SPATA31G1: variants seen among roughly 807,000 people sequenced by gnomAD.
The protein encoded by SPATA31G1 is spermatogenesis-associated protein 31G1.
chr9:35,043,181 AG>A, the SPATA31G1 span: 1 of 1,614,222 alleles, frequency 6.2e-7, no homozygotes, highest in Non-Finnish European at 8.5e-7. Context: ...AGATAGCATC[AG>A]GGAACCGCCA....
At chr9:35,043,220 G>A in the SPATA31G1 span, 1 of 1,614,136 alleles carries the variant, frequency 6.2e-7, no homozygotes, top group African/African-American at 1.3e-5. Context: ...AGCTCTTCTG[G>A]GGTCTCCCCT....
the SPATA31G1 span, chr9:35,043,570 TG>T: frequency 1.9e-6 from 3 of 1,613,994 alleles, no homozygotes; most frequent in Non-Finnish European, 2.5e-6. Context: ...ACTAGCCCCC[TG>T]GAAGTTCTCC....
the SPATA31G1 span, chr9:35,043,833 A>C: frequency 5.6e-6 from 9 of 1,613,950 alleles, no homozygotes; most frequent in African/African-American, 5.3e-5. Flanking sequence ...CCAGAGAGAG[A>C]GTTCCCTGGA....
At chr9:35,043,391 C>T in the SPATA31G1 span, 1 of 1,614,196 alleles carries the variant, frequency 6.2e-7, no homozygotes, top group Non-Finnish European at 8.5e-7. Context: ...AGTTTTCTAC[C>T]CATGGGGCCC....
At chr9:35,042,998 C>A in the SPATA31G1 span, 1 of 1,614,140 alleles carries the variant, frequency 6.2e-7, no homozygotes, top group Non-Finnish European at 8.5e-7. Flanking sequence ...GTTCTCCTAC[C>A]AAAGAAGCTC....
At chr9:35,042,424 G>A in the SPATA31G1 span, 11 of 1,614,116 alleles carry the variant, frequency 6.8e-6, no homozygotes, top group Admixed American at 1.7e-4. Context: ...CAGAGATGGT[G>A]GCAGCTTGGG....
chr9:35,045,916 C>A, the SPATA31G1 span: 1 of 1,519,270 alleles, frequency 6.6e-7, no homozygotes. Context: ...GACCTGAAGC[C>A]AAACCAGGGG....
chr9:35,043,415 T>A, the SPATA31G1 span: 13 of 1,614,060 alleles, frequency 8.1e-6, no homozygotes, highest in Non-Finnish European at 9.3e-6. Flanking sequence ...CTATGGAAGA[T>A]CTAGAAGGGA....
At chr9:35,043,548 C>A in the SPATA31G1 span, 1 of 1,614,194 alleles carries the variant, frequency 6.2e-7, no homozygotes, top group Non-Finnish European at 8.5e-7. Context: ...GGCACCCACA[C>A]AGTCCCCTGG....
At chr9:35,043,193 G>C in the SPATA31G1 span, 1 of 1,614,218 alleles carries the variant, frequency 6.2e-7, no homozygotes, top group African/African-American at 1.3e-5. Flanking sequence ...GGAACCGCCA[G>C]CAGCAGAGAA....
chr9:35,045,825 T>C, the SPATA31G1 span: 1 of 1,613,552 alleles, frequency 6.2e-7, no homozygotes, highest in Non-Finnish European at 8.5e-7. Flanking sequence ...GTTAGCCAAA[T>C]GCCTGGATAA....
the SPATA31G1 span, chr9:35,043,223 T>C: frequency 1.2e-6 from 2 of 1,613,916 alleles, no homozygotes; most frequent in African/African-American, 2.7e-5. Flanking sequence ...TCTTCTGGGG[T>C]CTCCCCTCTC....
the SPATA31G1 span, chr9:35,045,899 A>G: frequency 1.9e-6 from 3 of 1,559,016 alleles, no homozygotes; most frequent in Non-Finnish European, 2.6e-6. Context: ...AGCACTTGGT[A>G]TGCCAAGACC....
At chr9:35,042,003 T>C in the SPATA31G1 span, 1 of 458,062 alleles carries the variant, frequency 2.2e-6, no homozygotes, top group East Asian at 3.3e-5. Context: ...AGCTATGATT[T>C]GAATAAGGCA....
the SPATA31G1 span, chr9:35,044,744 G>T: frequency 6.2e-7 from 1 of 1,614,202 alleles, no homozygotes; most frequent in Non-Finnish European, 8.5e-7. Flanking sequence ...TTGAACTTGT[G>T]TGGAGAAATG....
chr9:35,042,237 G>T, the SPATA31G1 span: 1 of 1,611,932 alleles, frequency 6.2e-7, no homozygotes, highest in African/African-American at 1.3e-5. Flanking sequence ...AGGGTAAACT[G>T]CCAGAAGGCT....
chr9:35,043,242 G>A, the SPATA31G1 span: 11 of 1,614,198 alleles, frequency 6.8e-6, no homozygotes, highest in South Asian at 5.5e-5. Flanking sequence ...TCTGCACAGC[G>A]AGTCCTTGGA....
At chr9:35,042,142 G>C in the SPATA31G1 span, 1 of 1,451,062 alleles carries the variant, frequency 6.9e-7, no homozygotes, top group South Asian at 1.5e-5. Context: ...AATTTTTTTT[G>C]GTTCTAAATT....
At chr9:35,043,173 A>G in the SPATA31G1 span, 2 of 1,614,206 alleles carry the variant, frequency 1.2e-6, no homozygotes, top group Non-Finnish European at 1.7e-6. Flanking sequence ...GAGGCACAAG[A>G]TAGCATCAGG....
Sources: allele counts gnomAD v4.1 joint callset, GRCh38; gene constraint gnomAD v4.1.1; transcripts MANE v1.5; gene names NCBI Gene and HGNC (gene_info 2026-07-23, HGNC 2026-07-21).